Variants in PDZD8 observed in about 807,000 individuals in gnomAD.
The protein encoded by PDZD8 is PDZ domain containing 8, also known as PDZ domain-containing protein 8.
PDZD8 carries 14 observed loss-of-function variants against 85.8 expected under a neutral mutation model. The ratio of observed to expected loss-of-function variants is 0.16; its 90% CI spans 0.11 to 0.26. The LOEUF (loss-of-function observed/expected upper bound fraction) is 0.26, where lower values mean the gene tolerates loss of function less well. Ranked by LOEUF, PDZD8 falls within the 10% of genes least tolerant of loss-of-function variation. The pLI, the probability that PDZD8 is intolerant of heterozygous loss-of-function variation, is 1.00. For synonymous variants in PDZD8, 592 were observed against 568.6 expected (o/e 1.04, Z -0.59); for missense variants, 1,197 against 1,424.3 (o/e 0.84, Z 2.57).
At chr10:117,322,250 G>A (rs1844238123) in intron 2 of PDZD8, among the ~76,000 whole-genome samples, 1 of 152,134 alleles carries the variant, frequency 6.6e-6, no homozygotes, top group Non-Finnish European at 1.5e-5. Context: ...AGTTCTGGCG[G>A]CCATATGAAG....
intron 3 of PDZD8, among the ~76,000 whole-genome samples, chr10:117,313,571 T>C (rs896571780): frequency 6.6e-6 from 1 of 152,142 alleles, no homozygotes; most frequent in African/African-American, 2.4e-5. Flanking sequence ...CTAAGCCAGA[T>C]CTAATTGTGA....
chr10:117,374,316 G>C lies in PDZD8; in HGVS notation c.872+40C>G. On this transcript the variant is annotated intron_variant, in intron 1 of 4. Coordinates refer to ENST00000334464, the MANE Select transcript of PDZD8 (RefSeq NM_173791.5). This position sits in a 1 kb window ranked among gnomAD's most constrained non-coding sequence, Gnocchi z 7.8. ...CACGCAGCGTCCCGCCCAGGCCCGG[G>C]TTCCCGGCAGCCAGGCCCCCTCCCC... 2.5e-6 allele frequency: 4 copies of C among 1,600,916 alleles called. No homozygotes were observed. Among genetic ancestry groups the C allele is most frequent in the East Asian group, 2.2e-5 (1 of 44,692 alleles).
rs569252633 is a variant in PDZD8, at chr10:117,353,631, T to A, written c.873-12529A>T. On this transcript the variant is annotated intron_variant, in intron 1 of 4. Coordinates refer to ENST00000334464, the MANE Select transcript of PDZD8 (RefSeq NM_173791.5). ...GTTTGATAGTGGGATTATACTTTTT[T>A]AAAAAAAGACATATTGATGTTATAC... Among the ~76,000 whole-genome samples, 45 of 151,750 alleles carry A rather than the reference T, an allele frequency of 3.0e-4. No individual in the cohort carries two copies. In the East Asian group the frequency reaches 4.3e-3, roughly 14 times the overall value.
At chr10:117,370,623 C>A (rs953677809) in intron 1 of PDZD8, among the ~76,000 whole-genome samples, 1 of 152,142 alleles carries the variant, frequency 6.6e-6, no homozygotes, top group Non-Finnish European at 1.5e-5. Context: ...GGGTAGACTG[C>A]CTGAAGTCAG....
intron 4 of PDZD8, among the ~76,000 whole-genome samples, chr10:117,286,858 C>T (rs538746064): frequency 1.3e-5 from 2 of 152,228 alleles, no homozygotes; most frequent in East Asian, 1.9e-4. Flanking sequence ...TTGAGCTTGC[C>T]GCTTGGATCT....
intron 4 of PDZD8, among the ~76,000 whole-genome samples, chr10:117,289,805 C>T (rs1844724614): frequency 6.6e-6 from 1 of 152,048 alleles, no homozygotes; most frequent in Admixed American, 6.5e-5. Flanking sequence ...GCTAATACTA[C>T]CAATTTTAGG....
chr10:117,333,218 C>T (rs1844460794), intron 2 of PDZD8, among the ~76,000 whole-genome samples: 1 of 150,768 alleles, frequency 6.6e-6, no homozygotes, highest in Admixed American at 6.6e-5. Context: ...ATTCAAATTC[C>T]AGTGGTACTG....
intron 1 of PDZD8, among the ~76,000 whole-genome samples, chr10:117,360,231 CCA>C (rs1227128659): frequency 6.6e-6 from 1 of 152,156 alleles, no homozygotes; most frequent in Non-Finnish European, 1.5e-5. Flanking sequence ...AGCCTATGCA[CCA>C]CAGAGGTAAG....
At chr10:117,319,392 AAC>A (rs199983551) in intron 2 of PDZD8, among the ~76,000 whole-genome samples, 169 of 101,814 alleles carry the variant, frequency 1.7e-3, no homozygotes, top group African/African-American at 4.4e-3. Flanking sequence ...ATTGCTCATA[AAC>A]ACACACACAC....
chr10:117,366,095 C>A, intron 1 of PDZD8, among the ~76,000 whole-genome samples: 1 of 151,818 alleles, frequency 6.6e-6, no homozygotes, highest in Non-Finnish European at 1.5e-5. Flanking sequence ...AGAGGGATTA[C>A]CCCCTCCTCC....
At chr10:117,322,632 A>AGGC in intron 2 of PDZD8, among the ~76,000 whole-genome samples, 1 of 152,082 alleles carries the variant, frequency 6.6e-6, no homozygotes, top group Admixed American at 6.6e-5. Context: ...TTTCTTGTAC[A>AGGC]CTCAGGTAAG....
At chr10:117,307,695 A>T (rs976941443) in intron 3 of PDZD8, among the ~76,000 whole-genome samples, 1 of 152,078 alleles carries the variant, frequency 6.6e-6, no homozygotes, top group Non-Finnish European at 1.5e-5. Flanking sequence ...ATGCTTACAA[A>T]TGGGAAACAC....
chr10:117,370,688 C>T (rs9943328), intron 1 of PDZD8, among the ~76,000 whole-genome samples: 34,523 of 151,884 alleles, frequency 0.23, 4,517 homozygotes, highest in East Asian at 0.43. Context: ...TATTTGGAAA[C>T]ACAATTCTGC....
chr10:117,315,070 C>G (rs1844100322), intron 3 of PDZD8, among the ~76,000 whole-genome samples: 1 of 152,116 alleles, frequency 6.6e-6, no homozygotes, highest in Non-Finnish European at 1.5e-5. Context: ...TTCCTCTACC[C>G]TAGAATTCCC....
chr10:117,365,649 T>A (rs1345172024), intron 1 of PDZD8, among the ~76,000 whole-genome samples: 1 of 152,182 alleles, frequency 6.6e-6, no homozygotes, highest in Non-Finnish European at 1.5e-5. Context: ...CATATCACAT[T>A]TTTCCCTAGT....
intron 3 of PDZD8, among the ~76,000 whole-genome samples, chr10:117,303,598 A>AT (rs1475406766): frequency 6.6e-6 from 1 of 152,238 alleles, no homozygotes; most frequent in African/African-American, 2.4e-5. Flanking sequence ...TCCAGGCCAT[A>AT]TAGAGACCTT....
rs930352818 is a variant in PDZD8 at position 117,374,295 on chromosome 10, C to A, written c.872+61G>T. 66 of 1,582,658 alleles carry A rather than the reference C, an allele frequency of 4.2e-5. No individual in the cohort carries two copies. The highest frequency in any genetic ancestry group is 1.7e-4 in the South Asian group (14 of 84,786). ...GAGCCTTTGCCCTTCCCAATCCACG[C>A]AGCGTCCCGCCCAGGCCCGGGTTCC... On this transcript the variant is annotated intron_variant, in intron 1 of 4. Transcript: ENST00000334464. The surrounding 1 kb of genome is among the most constrained non-coding windows in gnomAD (Gnocchi z 7.8).
At chr10:117,291,967 A>G (rs780681359) in intron 3 of PDZD8, among the ~76,000 whole-genome samples, 15 of 152,112 alleles carry the variant, frequency 9.9e-5, no homozygotes, top group African/African-American at 3.6e-4. Flanking sequence ...TCCAGTCCAC[A>G]TTTCTTAAGT....
At position 117,284,926 on chromosome 10, in the gene PDZD8, A is replaced by T; in HGVS notation, c.1807T>A (p.Ser603Thr). 1 of 1,614,136 alleles carries T rather than the reference A, an allele frequency of 6.2e-7. No homozygotes were observed. Among genetic ancestry groups the T allele is most frequent in the South Asian group, 1.1e-5 (1 of 91,078 alleles). ...TCTGCCTGATTTGGAGCATCGGCGG[A>T]AGGCAAAGGAACTTTCGCTTGTGGT... is the stretch of plus-strand genomic sequence containing the variant. Reference protein sequence around the residue: ...PRPQAKVPLPSADAPNQAEPD... With the variant: ...PRPQAKVPLPTADAPNQAEPD... Residue 603 changes from serine to threonine, a missense_variant, in exon 5 of 5, where the codon TCC (serine) becomes ACC (threonine). Physicochemically the swap from Ser to Thr is moderately conservative, Grantham distance 58. Transcript: ENST00000334464.
Sources: gnomAD v4.1 joint callset for allele counts (sites outside exome capture counted in the v4.1 genomes callset) on GRCh38, gnomAD v4.1.1 for gene constraint, Gnocchi (gnomAD v3.1) non-coding constraint, MANE v1.5 for transcripts, NCBI Gene and HGNC (gene_info 2026-07-23, HGNC 2026-07-21) for gene names.